The following KIAA0319L variants were observed in gnomAD, a reference collection of about 807,000 sequenced individuals.
KIAA0319L encodes the protein KIAA0319 like.
Under a neutral mutation model 120.1 loss-of-function variants are expected in KIAA0319L, and 55 were observed. The ratio of observed to expected loss-of-function variants is 0.46; its 90% CI spans 0.37 to 0.57. KIAA0319L has a LOEUF of 0.57. Among genes scored for constraint, KIAA0319L ranks in the 20% least tolerant of loss-of-function variants. The probability of loss-of-function intolerance (pLI) is 0.00; values close to 1 mark genes in which losing one functional copy is unlikely to be tolerated. For missense variants in KIAA0319L, 1,049 were observed against 1,255.3 expected, an observed-to-expected ratio of 0.84 and a Z score of 2.48; for synonymous variants, 398 against 471.9, an observed-to-expected ratio of 0.84 and a Z score of 2.03.
intron 2 of KIAA0319L, among the ~76,000 whole-genome samples, chr1:35,526,787 G>A (rs780166534): frequency 6.6e-6 from 1 of 151,990 alleles, no homozygotes; most frequent in African/African-American, 2.4e-5. Context: ...TTTTAGAGGT[G>A]GGGTACAGTG....
At chr1:35,457,996 T>C (rs1404118209) in intron 9 of KIAA0319L, among the ~76,000 whole-genome samples, 1 of 152,126 alleles carries the variant, frequency 6.6e-6, no homozygotes, top group African/African-American at 2.4e-5. Flanking sequence ...AGTGCAGTGG[T>C]GCGATCTCGG....
chr1:35,442,873 A>C (rs889695820), intron 18 of KIAA0319L, 33 bp downstream of exon 18: 2 of 1,613,938 alleles, frequency 1.2e-6, no homozygotes. Context: ...TCAGCGCCAA[A>C]CAGGCTGGCA....
At position 35,506,021 on chromosome 1, in the gene KIAA0319L, C is replaced by G. The variant is rs566642126; in HGVS notation, c.666+591G>C. ...CTTTTAATCATTTCCCCAAGGAGAT[C>G]AACAATGAAGAAACATAATAAGCAG... On this transcript the variant is annotated intron_variant, in intron 3 of 20. Transcript: ENST00000325722. The surrounding 1 kb of genome is among the most constrained non-coding windows in gnomAD (Gnocchi z 4.0). 6.6e-6 allele frequency among the ~76,000 whole-genome samples: 1 copy of G among 152,168 alleles called. No homozygotes were observed. Among genetic ancestry groups the G allele is most frequent in the South Asian group, 2.1e-4 (1 of 4,824 alleles).
At chr1:35,504,138 A>C (rs1286746645) in intron 3 of KIAA0319L, among the ~76,000 whole-genome samples, 1 of 151,194 alleles carries the variant, frequency 6.6e-6, no homozygotes, top group Non-Finnish European at 1.5e-5. Flanking sequence ...CACCTGCCTC[A>C]GCCTACCCCA....
At chr1:35,467,467 A>G (rs1043140023) in intron 6 of KIAA0319L, among the ~76,000 whole-genome samples, 3 of 152,190 alleles carry the variant, frequency 2.0e-5, no homozygotes, top group Non-Finnish European at 2.9e-5. Context: ...ATAGTTGTGT[A>G]CAGCTCATTC....
chr1:35,499,340 C>T (rs1209592209), intron 3 of KIAA0319L, among the ~76,000 whole-genome samples: 1 of 152,106 alleles, frequency 6.6e-6, no homozygotes, highest in African/African-American at 2.4e-5. Flanking sequence ...AGTTGGAGCC[C>T]TTGTGAATGG....
chr1:35,453,729 A>C lies in KIAA0319L; in HGVS notation c.1781-40T>G, dbSNP rs13374670. The C allele has an allele frequency of 4.0e-3, 6,295 of 1,590,762 alleles. 206 individuals carry two copies. In the African/African-American group the frequency reaches 0.071, roughly 18 times the overall value. ...GTTAGAGGTCAAAAGCAGCCAGTCC[A>C]GGTGGGAAAGGAGAGGAACCAATTG... On this transcript the variant is annotated intron_variant, in intron 11 of 20. Coordinates refer to ENST00000325722, the MANE Select transcript of KIAA0319L (RefSeq NM_024874.5). The surrounding 1 kb of genome is among the most constrained non-coding windows in gnomAD (Gnocchi z 4.1).
Position 35,453,843 on chromosome 1 carries a change from CA to C in KIAA0319L, c.1781-155del, listed in dbSNP as rs1642240960. Among the ~76,000 whole-genome samples, 1 of 152,102 alleles carries C rather than the reference CA, an allele frequency of 6.6e-6. No individual in the cohort carries two copies. The highest frequency in any genetic ancestry group is 6.5e-5 in the Admixed American group (1 of 15,274). On this transcript the variant is annotated intron_variant, in intron 11 of 20. Coordinates refer to ENST00000325722, the MANE Select transcript of KIAA0319L (RefSeq NM_024874.5). This position sits in a 1 kb window ranked among gnomAD's most constrained non-coding sequence, Gnocchi z 4.1. ...GAGATGTGGTTACCGTCAGGGAGCACACAATAAAGAATATAAGGCTGAAACA... is the reference window on the plus strand; with the variant it reads ...GAGATGTGGTTACCGTCAGGGAGCACCAATAAAGAATATAAGGCTGAAACA...
At chr1:35,495,986 T>C (rs1392957040) in intron 3 of KIAA0319L, among the ~76,000 whole-genome samples, 1 of 151,578 alleles carries the variant, frequency 6.6e-6, no homozygotes, top group African/African-American at 2.4e-5. Flanking sequence ...TTACAATGTA[T>C]AAAATTAAAA....
chr1:35,460,140 T>G (rs1278650444), intron 9 of KIAA0319L, among the ~76,000 whole-genome samples, 165 bp downstream of exon 9: 3 of 152,176 alleles, frequency 2.0e-5, no homozygotes, highest in Non-Finnish European at 4.4e-5. Context: ...ATTGTTGTAA[T>G]CACAATCACC....
intron 2 of KIAA0319L, among the ~76,000 whole-genome samples, chr1:35,507,352 G>C (rs544939092): frequency 1.2e-4 from 18 of 152,232 alleles, no homozygotes; most frequent in African/African-American, 3.9e-4. Context: ...TTCATTAATT[G>C]TTCTCCTTCT....
At chr1:35,555,163 G>A (rs1436308646) in intron 1 of KIAA0319L, among the ~76,000 whole-genome samples, 1 of 152,046 alleles carries the variant, frequency 6.6e-6, no homozygotes, top group African/African-American at 2.4e-5. Flanking sequence ...GATTATTTAG[G>A]TCTCTTCCAG....
chr1:35,510,089 G>A (rs572584259), intron 2 of KIAA0319L: 2 of 152,352 alleles, frequency 1.3e-5, no homozygotes, highest in South Asian at 4.1e-4. Context: ...TAAATGAAAA[G>A]AATGTGGGAA....
intron 2 of KIAA0319L, among the ~76,000 whole-genome samples, chr1:35,527,974 G>T (rs1010128500): frequency 6.6e-5 from 10 of 151,816 alleles, no homozygotes; most frequent in Non-Finnish European, 4.4e-5. Context: ...TAGGTTATTT[G>T]AAATCTTTCT....
chr1:35,503,055 T>C (rs529433904), intron 3 of KIAA0319L, among the ~76,000 whole-genome samples: 21 of 152,170 alleles, frequency 1.4e-4, no homozygotes, highest in Non-Finnish European at 2.5e-4. Flanking sequence ...TGCCATCTTC[T>C]ATCCTTCACG....
At chr1:35,550,015 A>G (rs1647140578) in intron 2 of KIAA0319L, among the ~76,000 whole-genome samples, 1 of 152,234 alleles carries the variant, frequency 6.6e-6, no homozygotes, top group South Asian at 2.1e-4. Flanking sequence ...GAGAATCCCC[A>G]GGTCCAAAAC....
At chr1:35,532,036 G>A (rs755358291) in intron 2 of KIAA0319L, among the ~76,000 whole-genome samples, 1 of 152,004 alleles carries the variant, frequency 6.6e-6, no homozygotes, top group Non-Finnish European at 1.5e-5. Context: ...CAAGGCAGGC[G>A]GATCACTTGA....
rs1434851049 is a variant in KIAA0319L, at chr1:35,433,712, C to T, written c.*1182G>A. ...ATTTGCCTTGTGAGCAGCCAAGAGCCCAATGAGTTGATGCATACGCGCTCA... is the reference window on the plus strand; with the variant it reads ...ATTTGCCTTGTGAGCAGCCAAGAGCTCAATGAGTTGATGCATACGCGCTCA... On this transcript the variant is annotated 3_prime_UTR_variant, in exon 21 of 21. Transcript: ENST00000325722. 6.6e-6 allele frequency: 1 copy of T among 152,374 alleles called. No homozygotes were observed. Among genetic ancestry groups the T allele is most frequent in the African/African-American group, 2.4e-5 (1 of 41,440 alleles). 9.4% of individuals were successfully genotyped at this position (152,374 alleles called of 1,614,324 possible).
chr1:35,446,347 A>T (rs1204077107), intron 16 of KIAA0319L, among the ~76,000 whole-genome samples: 1 of 152,202 alleles, frequency 6.6e-6, no homozygotes, highest in Non-Finnish European at 1.5e-5. Flanking sequence ...TTCCTATTTT[A>T]AAAAGATGTT....
Sources: gnomAD v4.1 joint callset for allele counts (sites outside exome capture counted in the v4.1 genomes callset) on GRCh38, gnomAD v4.1.1 for gene constraint, Gnocchi (gnomAD v3.1) non-coding constraint, MANE v1.5 for transcripts, NCBI Gene and HGNC (gene_info 2026-07-23, HGNC 2026-07-21) for gene names.